Variants in CSMD1 observed in about 807,000 individuals in gnomAD.
CSMD1 encodes the protein CUB and sushi domain-containing protein 1.
A neutral mutation model predicts 417.5 loss-of-function variants in CSMD1; 213 were observed. The ratio of observed to expected loss-of-function variants is 0.51; its 90% CI spans 0.46 to 0.57. CSMD1 has a LOEUF of 0.57. Among genes scored for constraint, CSMD1 ranks in the 20% least tolerant of loss-of-function variants. The pLI is 0.00. For missense variants in CSMD1, 6,923 were observed against 4,529.7 expected, an observed-to-expected ratio of 1.53 and a Z score of -15.17; for synonymous variants, 2,862 against 1,736.8, an observed-to-expected ratio of 1.65 and a Z score of -16.11.
rs147888333 is a variant in CSMD1 at position 4,436,539 on chromosome 8, C to T, written c.303-16474G>A. ...TTTATCCTTCAAGTAACAAACAATC[C>T]GATCACACTGTAAGTTATTTTAAAA... On this transcript the variant is annotated intron_variant, in intron 2 of 69. Coordinates refer to ENST00000635120, the MANE Select transcript of CSMD1 (RefSeq NM_033225.6). Among the ~76,000 whole-genome samples the T allele has an allele frequency of 3.2e-4, 49 of 152,022 alleles. No individual in the cohort carries two copies. In the East Asian group the frequency reaches 7.4e-3, roughly 23 times the overall value.
At chr8:4,771,843 G>C (rs901179105) in intron 1 of CSMD1, among the ~76,000 whole-genome samples, 1 of 152,084 alleles carries the variant, frequency 6.6e-6, no homozygotes, top group African/African-American at 2.4e-5. Flanking sequence ...TTTCTGTTGT[G>C]GTTTTAATCC....
chr8:4,404,806 A>G (rs1247507746), intron 3 of CSMD1, among the ~76,000 whole-genome samples: 1 of 152,210 alleles, frequency 6.6e-6, no homozygotes, highest in Non-Finnish European at 1.5e-5. Context: ...AATATGTTCT[A>G]TGGGTACACA....
chr8:3,627,212 T>C (rs1030500481), intron 7 of CSMD1, among the ~76,000 whole-genome samples: 14 of 152,122 alleles, frequency 9.2e-5, no homozygotes, highest in African/African-American at 1.4e-4. Context: ...AGACGCAAAA[T>C]TGAGAGAACT....
chr8:4,558,500 T>A (rs1261250271), intron 2 of CSMD1, among the ~76,000 whole-genome samples: 1 of 152,192 alleles, frequency 6.6e-6, no homozygotes, highest in Admixed American at 6.5e-5. Context: ...ATTATTCTCA[T>A]GGGATTCCAC....
intron 12 of CSMD1, among the ~76,000 whole-genome samples, chr8:3,439,302 TATA>T (rs1291052728): frequency 0.02 from 997 of 49,610 alleles, 39 homozygotes; most frequent in East Asian, 0.036. Flanking sequence ...TATATATATA[TATA>T]TATATTTTTT....
intron 5 of CSMD1, among the ~76,000 whole-genome samples, chr8:3,845,908 G>A (rs1373148353): frequency 1.3e-5 from 2 of 151,762 alleles, no homozygotes; most frequent in Admixed American, 6.6e-5. Context: ...CCTAAACAGT[G>A]ATCATCAATA....
chr8:2,975,606 T>C (rs899086089), intron 55 of CSMD1, among the ~76,000 whole-genome samples: 3 of 152,168 alleles, frequency 2.0e-5, no homozygotes, highest in Non-Finnish European at 2.9e-5. Flanking sequence ...TTTATCCACA[T>C]AGAGTCCTTA....
chr8:3,801,014 T>A (rs1001991538), intron 5 of CSMD1, among the ~76,000 whole-genome samples: 6 of 151,870 alleles, frequency 4.0e-5, no homozygotes, highest in African/African-American at 1.4e-4. Flanking sequence ...CATAAAAATA[T>A]TTGAAAAAAG....
intron 1 of CSMD1, among the ~76,000 whole-genome samples, chr8:4,846,690 C>T (rs1454471546): frequency 6.6e-6 from 1 of 152,216 alleles, no homozygotes; most frequent in African/African-American, 2.4e-5. Context: ...TTTCTCCTTT[C>T]TTGAACTTGG....
intron 2 of CSMD1, among the ~76,000 whole-genome samples, chr8:4,586,086 T>C (rs941389204): frequency 3.9e-5 from 6 of 152,260 alleles, no homozygotes; most frequent in Admixed American, 2.0e-4. Flanking sequence ...CACACAAGCA[T>C]ACAACGTGTA....
At chr8:4,151,477 C>A (rs1357787155) in intron 3 of CSMD1, among the ~76,000 whole-genome samples, 2 of 152,132 alleles carry the variant, frequency 1.3e-5, no homozygotes, top group Non-Finnish European at 2.9e-5. Flanking sequence ...TCTAGTTTAA[C>A]AAACACATTA....
intron 2 of CSMD1, among the ~76,000 whole-genome samples, chr8:4,540,904 T>A (rs1274831031): frequency 6.6e-6 from 1 of 152,186 alleles, no homozygotes; most frequent in Non-Finnish European, 1.5e-5. Flanking sequence ...GTCTGCTATT[T>A]AATTTTATGA....
intron 2 of CSMD1, among the ~76,000 whole-genome samples, chr8:4,590,255 T>C (rs919212544): frequency 2.0e-5 from 3 of 151,930 alleles, no homozygotes; most frequent in South Asian, 2.1e-4. Context: ...TACTTGAAAG[T>C]GGAGAGATGG....
chr8:4,672,553 A>G (rs1250404626), intron 1 of CSMD1, among the ~76,000 whole-genome samples: 3 of 152,238 alleles, frequency 2.0e-5, no homozygotes, highest in Non-Finnish European at 4.4e-5. Context: ...TAAACAACCA[A>G]TCACAGAAAG....
At chr8:4,159,620 A>C (rs553996601) in intron 3 of CSMD1, among the ~76,000 whole-genome samples, 1 of 151,976 alleles carries the variant, frequency 6.6e-6, no homozygotes, top group African/African-American at 2.4e-5. Context: ...ACAGAGTCTC[A>C]CTCTGTCGCC....
intron 12 of CSMD1, among the ~76,000 whole-genome samples, chr8:3,424,488 T>C (rs1472792870): frequency 1.3e-5 from 2 of 152,244 alleles, no homozygotes; most frequent in African/African-American, 2.4e-5. Context: ...AACTTAATGA[T>C]TGTCCCTTAG....
At chr8:3,890,897 G>A (rs912184953) in intron 5 of CSMD1, among the ~76,000 whole-genome samples, 1 of 152,130 alleles carries the variant, frequency 6.6e-6, no homozygotes, top group Admixed American at 6.5e-5. Context: ...GAGTGTGCTA[G>A]CTACTCTCTC....
intron 1 of CSMD1, among the ~76,000 whole-genome samples, chr8:4,872,811 G>A (rs1429154502): frequency 6.6e-6 from 1 of 152,058 alleles, no homozygotes; most frequent in Non-Finnish European, 1.5e-5. Flanking sequence ...CTGTGTTACT[G>A]TTTTTGCCCT....
At chr8:4,435,828 G>C (rs987973365) in intron 2 of CSMD1, among the ~76,000 whole-genome samples, 1 of 152,160 alleles carries the variant, frequency 6.6e-6, no homozygotes, top group African/African-American at 2.4e-5. Flanking sequence ...TTCAGGGCAG[G>C]GTGTGTGACT....
Sources: allele counts gnomAD v4.1 joint callset (sites outside exome capture counted in the v4.1 genomes callset), GRCh38; gene constraint gnomAD v4.1.1; transcripts MANE v1.5; gene names NCBI Gene and HGNC (gene_info 2026-07-23, HGNC 2026-07-21).